SLC5A9: variants seen among roughly 807,000 people sequenced by gnomAD.
The protein encoded by SLC5A9 is solute carrier family 5 member 9.
Under a neutral mutation model 70.9 loss-of-function variants are expected in SLC5A9, and 59 were observed. That is an observed-to-expected ratio of 0.83 (90% CI 0.68 to 1.03). The LOEUF is 1.03. SLC5A9 is among the 50% of genes least tolerant of loss of function. The probability of loss-of-function intolerance (pLI) is 0.00; values close to 1 mark genes in which losing one functional copy is unlikely to be tolerated. For synonymous variants in SLC5A9, 340 were observed against 346.5 expected, an observed-to-expected ratio of 0.98 and a Z score of 0.21; for missense variants, 832 against 881.1, an observed-to-expected ratio of 0.94 and a Z score of 0.71.
chr1:48,227,166 AGTGTGTGTGCGT>A (rs1644162285), intron 2 of SLC5A9, among the ~76,000 whole-genome samples: 1 of 109,556 alleles, frequency 9.1e-6, no homozygotes, highest in African/African-American at 3.3e-5. Context: ...TGTGTGTCAG[AGTGTGTGTGCGT>A]GTGTGTGTGT....
chr1:48,227,163 CAG>C lies in SLC5A9; in HGVS notation c.235-1684_235-1683del, dbSNP rs951899516. Among the ~76,000 whole-genome samples, 138 of 116,426 alleles carry C rather than the reference CAG, an allele frequency of 1.2e-3. 3 individuals carry two copies. Among genetic ancestry groups the C allele is most frequent in the African/African-American group, 4.2e-3 (126 of 29,788 alleles). The allele number at this position is 116,426 out of a possible 152,430, so 76.4% of individuals were successfully genotyped here. A position where few individuals can be genotyped will look rare whatever the true frequency, so the allele number is the denominator to read the frequency against. On this transcript the variant is annotated intron_variant, in intron 2 of 13. Coordinates refer to ENST00000438567, the MANE Select transcript of SLC5A9 (RefSeq NM_001011547.3). Reference sequence around the variant, plus strand: ...GGTGCAAGTGCATGAGTGTGTGTGTCAGAGTGTGTGTGCGTGTGTGTGTGTAC... The same window carrying C: ...GGTGCAAGTGCATGAGTGTGTGTGTCAGTGTGTGTGCGTGTGTGTGTGTAC...
In SLC5A9 at chr1:48,229,383, A is replaced by C. The variant is rs1244598070; in HGVS notation, c.428A>C (p.Lys143Thr). The C allele has an allele frequency of 6.2e-7, 1 of 1,614,108 alleles. No individual in the cohort carries two copies. Among genetic ancestry groups the C allele is most frequent in the Non-Finnish European group, 8.5e-7 (1 of 1,180,022 alleles). The change falls in exon 4 of 14, where the codon AAG (lysine) becomes ACG (threonine). Residue 143 changes from lysine (K) to threonine (T), a missense_variant. Coordinates refer to ENST00000438567, the MANE Select transcript of SLC5A9 (RefSeq NM_001011547.3). ...GTCACAATGCCGCAGTATCTGAAGA[A>C]GCGATTTGGGGGCCAGAGGATCCAG... ...GVVTMPQYLKKRFGGQRIQVY... is the reference protein window; with the variant it reads ...GVVTMPQYLKTRFGGQRIQVY...
intron 9 of SLC5A9, among the ~76,000 whole-genome samples, chr1:48,235,247 G>A (rs1644310028): frequency 6.6e-6 from 1 of 152,166 alleles, no homozygotes; most frequent in Non-Finnish European, 1.5e-5. Flanking sequence ...TACCTCCCAA[G>A]CCAGGGCTTT....
At chr1:48,237,898 G>C in intron 11 of SLC5A9, 51 bp downstream of exon 11, 2 of 1,584,842 alleles carry the variant, frequency 1.3e-6, no homozygotes, top group Non-Finnish European at 1.7e-6. Flanking sequence ...CTGGAGACCT[G>C]GTCTGTCAAT....
intron 2 of SLC5A9, among the ~76,000 whole-genome samples, chr1:48,225,744 A>T (rs1469035959): frequency 6.6e-6 from 1 of 151,696 alleles, no homozygotes; most frequent in African/African-American, 2.4e-5. Flanking sequence ...ACACAATCAT[A>T]CTCCTATTCT....
chr1:48,224,774 G>A lies in SLC5A9; in HGVS notation c.213G>A (p.Gly71=), dbSNP rs1644120771. 2 of 1,613,984 alleles carry A rather than the reference G, an allele frequency of 1.2e-6. No homozygotes were observed. The highest frequency in any genetic ancestry group is 2.2e-5 in the East Asian group (1 of 44,866). Residue 71 remains glycine (G), a synonymous_variant, in exon 2 of 14, where the codon GGG becomes GGA. Transcript: ENST00000438567. The stretch of plus-strand genomic sequence containing the variant: ...CCATTGGCGGCTATTTCCTGGCCGG[G>A]AGGTCCATGAGCTGGTGGCCAGTGA... ...RGTIGGYFLA[G]RSMSWWPIGA...
intron 9 of SLC5A9, among the ~76,000 whole-genome samples, 166 bp downstream of exon 9, chr1:48,233,928 G>A (rs949388091): frequency 8.5e-5 from 13 of 152,192 alleles, no homozygotes; most frequent in African/African-American, 2.2e-4. Context: ...GCATTTGTAC[G>A]TAAGACACCA....
At chr1:48,225,560 G>A (rs1644131930) in intron 2 of SLC5A9, among the ~76,000 whole-genome samples, 2 of 152,024 alleles carry the variant, frequency 1.3e-5, no homozygotes, top group African/African-American at 4.8e-5. Context: ...CAGCCCCAGT[G>A]GTAGCTGAAG....
rs991558275 is a variant in SLC5A9, at chr1:48,223,280, G to A, written c.162+382G>A. Among the ~76,000 whole-genome samples the A allele has an allele frequency of 6.6e-5, 10 of 152,248 alleles. No individual in the cohort carries two copies. In the South Asian group the frequency reaches 1.2e-3, roughly 19 times the overall value. ...CCCTACCTCAGTCCTGCATTCGTTA[G>A]CATCTTGGCTAAGGTGATTTCTAAA... On this transcript the variant is annotated intron_variant, in intron 1 of 13. Coordinates refer to ENST00000438567, the MANE Select transcript of SLC5A9 (RefSeq NM_001011547.3).
intron 2 of SLC5A9, among the ~76,000 whole-genome samples, chr1:48,227,676 G>T (rs925540612): frequency 6.6e-6 from 1 of 152,140 alleles, no homozygotes; most frequent in African/African-American, 2.4e-5. Context: ...ATGTGAGTGT[G>T]CATGTGCACA....
At chr1:48,246,079 T>A (rs1459445686) in intron 13 of SLC5A9, among the ~76,000 whole-genome samples, 1 of 152,026 alleles carries the variant, frequency 6.6e-6, no homozygotes, top group Non-Finnish European at 1.5e-5. Context: ...ATTTATTGAG[T>A]TATGGCACAC....
chr1:48,229,979 G>A (rs1644224499), intron 4 of SLC5A9, among the ~76,000 whole-genome samples: 1 of 152,206 alleles, frequency 6.6e-6, no homozygotes, highest in Admixed American at 6.5e-5. Context: ...GTATCCACAA[G>A]CATACACTAA....
rs781344817 is a variant in SLC5A9 at position 48,239,301 on chromosome 1, C to G, written c.1462-21C>G. Reference sequence around the variant, plus strand: ...CTCCCACCTGGATCTCACCTCAGCTCTTGTCTGCCCTCTCTCACAGGGAGC... The same window carrying G: ...CTCCCACCTGGATCTCACCTCAGCTGTTGTCTGCCCTCTCTCACAGGGAGC... On this transcript the variant is annotated intron_variant, in intron 11 of 13. Coordinates refer to ENST00000438567, the MANE Select transcript of SLC5A9 (RefSeq NM_001011547.3). This position sits in a 1 kb window ranked among gnomAD's most constrained non-coding sequence, Gnocchi z 4.2. 14 of 1,580,748 alleles carry G rather than the reference C, an allele frequency of 8.9e-6. No homozygotes were observed. The highest frequency in any genetic ancestry group is 1.1e-5 in the South Asian group (1 of 88,158).
At chr1:48,230,192 C>T (rs538472437) in intron 4 of SLC5A9, among the ~76,000 whole-genome samples, 2 of 152,350 alleles carry the variant, frequency 1.3e-5, no homozygotes, top group East Asian at 3.9e-4. Context: ...CCGTGGGCCA[C>T]CTGACAGCCA....
At chr1:48,241,091 T>C (rs1644385587) in intron 12 of SLC5A9, 1 of 152,288 alleles carries the variant, frequency 6.6e-6, no homozygotes, top group Non-Finnish European at 1.5e-5. Flanking sequence ...TTTGACTTCT[T>C]CACAGGCTTC....
rs1644288716 is a variant in SLC5A9 at position 48,233,677 on chromosome 1, T to C, written c.1056T>C (p.Pro352=). The C allele has an allele frequency of 1.2e-6, 2 of 1,614,028 alleles. No homozygotes were observed. Among genetic ancestry groups the C allele is most frequent in the Non-Finnish European group, 1.7e-6 (2 of 1,179,970 alleles). ...CAGACGAGGTGGGCTGCGTGGACCC[T>C]GATGTCTGCCAAAGAATCTGTGGGG... ...LFPDEVGCVD[P]DVCQRICGAR... The change falls in exon 9 of 14, where the codon CCT becomes CCC. Residue 352 remains proline, a synonymous_variant. Transcript: ENST00000438567.
At chr1:48,235,639 G>T in intron 9 of SLC5A9, 90 bp from the exon 10 acceptor site, 1 of 1,505,024 alleles carries the variant, frequency 6.6e-7, no homozygotes, top group South Asian at 1.2e-5. Flanking sequence ...CCCAGCTCCT[G>T]ACTCTACAGA....
At chr1:48,231,440 CTG>C in intron 5 of SLC5A9, 103 bp from the exon 6 acceptor site, 8 of 1,368,634 alleles carry the variant, frequency 5.8e-6, no homozygotes, top group Non-Finnish European at 8.1e-6. Context: ...GCTAAGAGGG[CTG>C]TGTGTCTTCT....
intron 13 of SLC5A9, among the ~76,000 whole-genome samples, 196 bp downstream of exon 13, chr1:48,242,812 A>C (rs1221361836): frequency 6.6e-6 from 1 of 152,208 alleles, no homozygotes; most frequent in Admixed American, 6.5e-5. Flanking sequence ...TAGTGCCCTC[A>C]TTACTGATCA....
Sources: gnomAD v4.1 joint callset for allele counts (sites outside exome capture counted in the v4.1 genomes callset) on GRCh38, gnomAD v4.1.1 for gene constraint, Gnocchi (gnomAD v3.1) non-coding constraint, MANE v1.5 for transcripts, NCBI Gene and HGNC (gene_info 2026-07-23, HGNC 2026-07-21) for gene names.